Variants in PPP6R2 observed in about 807,000 individuals in gnomAD.
PPP6R2 encodes the protein serine/threonine-protein phosphatase 6 regulatory subunit 2.
Under a neutral mutation model 100.2 loss-of-function variants are expected in PPP6R2, and 62 were observed. The observed-to-expected ratio is 0.62, with a 90% CI of 0.50 to 0.76. The LOEUF (loss-of-function observed/expected upper bound fraction) is 0.76, where lower values mean the gene tolerates loss of function less well. Among genes scored for constraint, PPP6R2 ranks in the 30% least tolerant of loss-of-function variants. The pLI is 0.00. For missense variants in PPP6R2, 1,142 were observed against 1,276.3 expected, an observed-to-expected ratio of 0.89 and a Z score of 1.60; for synonymous variants, 525 against 514.7, an observed-to-expected ratio of 1.02 and a Z score of -0.27.
At chr22:50,384,936 CAG>C (rs2053903032) in intron 2 of PPP6R2, among the ~76,000 whole-genome samples, 1 of 152,036 alleles carries the variant, frequency 6.6e-6, no homozygotes, top group South Asian at 2.1e-4. Context: ...TCCATAGAGA[CAG>C]GGTCTTGCCA....
At chr22:50,425,279 C>T (rs1451491741) in intron 10 of PPP6R2, among the ~76,000 whole-genome samples, 1 of 152,192 alleles carries the variant, frequency 6.6e-6, no homozygotes, top group Non-Finnish European at 1.5e-5. Context: ...ACTTATTTCA[C>T]TTAGCACTAT....
chr22:50,416,827 G>A (rs891790956), intron 6 of PPP6R2, among the ~76,000 whole-genome samples: 9 of 151,622 alleles, frequency 5.9e-5, no homozygotes, highest in African/African-American at 2.2e-4. Context: ...GTGGTGTCAG[G>A]TGCCTGTAAT....
At chr22:50,410,123 T>C (rs1569442308) in intron 4 of PPP6R2, among the ~76,000 whole-genome samples, 1 of 152,162 alleles carries the variant, frequency 6.6e-6, no homozygotes, top group Non-Finnish European at 1.5e-5. Flanking sequence ...TTAGAATGAG[T>C]TTGTCACTTT....
At chr22:50,387,372 T>G (rs1311755921) in intron 2 of PPP6R2, among the ~76,000 whole-genome samples, 2 of 152,180 alleles carry the variant, frequency 1.3e-5, no homozygotes, top group African/African-American at 4.8e-5. Flanking sequence ...CTCTTTTCAC[T>G]TCTGATTTTG....
intron 3 of PPP6R2, among the ~76,000 whole-genome samples, chr22:50,401,032 C>T (rs1164561148): frequency 6.6e-6 from 1 of 151,966 alleles, no homozygotes; most frequent in African/African-American, 2.4e-5. Flanking sequence ...AAGTTCTCAT[C>T]CTTTTATTGA....
chr22:50,339,801 T>TGTG (rs2042350130), upstream of PPP6R2, among the ~76,000 whole-genome samples: 1 of 94,446 alleles, frequency 1.1e-5, no homozygotes. Context: ...GTGTGTGGGG[T>TGTG]ATGTGTGTGT....
chr22:50,443,887 G>T lies in PPP6R2; in HGVS notation c.2601G>T (p.Arg867=). Residue 867 remains arginine, a synonymous_variant, in exon 23 of 24, where the codon CGG becomes CGT. Coordinates refer to ENST00000612753, the MANE Select transcript of PPP6R2 (RefSeq NM_001242898.2). The part of the protein sequence containing the change: ...AVGRVGCADS[R]LLSPACPAPK... Reference sequence around the variant, plus strand: ...ACAGGGTCGGGTGTGCTGACAGCCGGCTGTTAAGCCCTGCCTGCCCCGCGC... The same window carrying T: ...ACAGGGTCGGGTGTGCTGACAGCCGTCTGTTAAGCCCTGCCTGCCCCGCGC... 3 of 1,584,684 alleles carry T rather than the reference G, an allele frequency of 1.9e-6. No homozygotes were observed. Among genetic ancestry groups the T allele is most frequent in the Non-Finnish European group, 2.6e-6 (3 of 1,165,400 alleles).
chr22:50,382,564 C>CCAA (rs929600205), intron 2 of PPP6R2, among the ~76,000 whole-genome samples: 4 of 150,934 alleles, frequency 2.7e-5, no homozygotes, highest in Non-Finnish European at 4.4e-5. Flanking sequence ...CAGTGTACCA[C>CCAA]CAACAAACAC....
chr22:50,370,410 C>A (rs2049807016), intron 1 of PPP6R2, among the ~76,000 whole-genome samples: 1 of 151,752 alleles, frequency 6.6e-6, no homozygotes, highest in Non-Finnish European at 1.5e-5. Context: ...GCCTCAGCCT[C>A]CCGAGGAGAT....
intron 2 of PPP6R2, among the ~76,000 whole-genome samples, chr22:50,376,031 C>T (rs1032541816): frequency 4.0e-5 from 6 of 151,768 alleles, no homozygotes; most frequent in Non-Finnish European, 8.8e-5. Context: ...CGGGGTTTCA[C>T]TGTGTTGGCC....
the PPP6R2 span, among the ~76,000 whole-genome samples, chr22:50,337,873 GTA>G: frequency 1.4e-5 from 2 of 141,048 alleles, no homozygotes; most frequent in Admixed American, 7.1e-5. Context: ...TGTGTGTGGT[GTA>G]TGTGTGGTGT....
chr22:50,336,509 GGGA>G, the PPP6R2 span, among the ~76,000 whole-genome samples: 2 of 152,118 alleles, frequency 1.3e-5, no homozygotes, highest in African/African-American at 4.8e-5. Flanking sequence ...CCAAGTAGCT[GGGA>G]CTACAGTCGT....
the PPP6R2 span, among the ~76,000 whole-genome samples, chr22:50,330,888 G>T: frequency 5.1e-4 from 77 of 152,252 alleles, 2 homozygotes; most frequent in South Asian, 0.016. Flanking sequence ...AGGACAAGCT[G>T]GAAAAGGCAA....
chr22:50,425,646 T>TC (rs888243229), intron 10 of PPP6R2, among the ~76,000 whole-genome samples: 9 of 152,016 alleles, frequency 5.9e-5, no homozygotes, highest in African/African-American at 2.2e-4. Context: ...CTCCTCATCC[T>TC]CCCCCTCATC....
intron 4 of PPP6R2, among the ~76,000 whole-genome samples, chr22:50,411,567 A>AAGTAGAG (rs1300363762): frequency 1.3e-5 from 2 of 152,082 alleles, no homozygotes; most frequent in Admixed American, 1.3e-4. Flanking sequence ...AGCCTGGCCC[A>AAGTAGAG]ACATGGTGAA....
intron 6 of PPP6R2, among the ~76,000 whole-genome samples, chr22:50,416,715 C>T (rs2060589773): frequency 6.6e-6 from 1 of 151,782 alleles, no homozygotes; most frequent in Non-Finnish European, 1.5e-5. Context: ...GTAATCCCAG[C>T]ACTTGGGGAG....
the PPP6R2 span, among the ~76,000 whole-genome samples, chr22:50,331,650 C>T: frequency 2.0e-5 from 3 of 152,042 alleles, no homozygotes; most frequent in Non-Finnish European, 2.9e-5. Flanking sequence ...CAGAGTCTCG[C>T]TTATGTCACC....
In PPP6R2 at chr22:50,423,512, T is replaced by C; in HGVS notation, c.1023T>C (p.Asn341=). 4 of 1,614,208 alleles carry C rather than the reference T, an allele frequency of 2.5e-6. No homozygotes were observed. The highest frequency in any genetic ancestry group is 3.4e-6 in the Non-Finnish European group (4 of 1,180,036). The change falls in exon 10 of 24, where the codon AAT becomes AAC. Residue 341 remains asparagine (N), a synonymous_variant. Transcript: ENST00000612753. The surrounding 1 kb of genome is among the most constrained non-coding windows in gnomAD (Gnocchi z 4.8). Reference sequence around the variant, plus strand: ...GTGTGCTGGAGGAGCCCCTGGGGAATGCCCGTCTGCATGGCGCCCGCCTCA... The same window carrying C: ...GTGTGCTGGAGGAGCCCCTGGGGAACGCCCGTCTGCATGGCGCCCGCCTCA... ...TIGVLEEPLG[N]ARLHGARLMA...
chr22:50,437,484 T>TGCCCCC, intron 15 of PPP6R2, 22 bp from the exon 16 acceptor site: 7 of 542,092 alleles, frequency 1.3e-5, no homozygotes, highest in East Asian at 4.4e-5. Context: ...TGTCCGTCCC[T>TGCCCCC]CCCTCCCTCC....
Sources: allele counts gnomAD v4.1 joint callset (sites outside exome capture counted in the v4.1 genomes callset), GRCh38; gene constraint gnomAD v4.1.1; non-coding constraint Gnocchi (gnomAD v3.1); transcripts MANE v1.5; gene names NCBI Gene and HGNC (gene_info 2026-07-23, HGNC 2026-07-21).